The following TEX36 variants were observed in gnomAD, a reference collection of about 807,000 sequenced individuals.
TEX36 encodes the protein testis expressed 36.
Under a neutral mutation model 13.6 loss-of-function variants are expected in TEX36, and 12 were observed. That is an observed-to-expected ratio of 0.88 (90% CI 0.56 to 1.43). The LOEUF is 1.43. Ranked by LOEUF, TEX36 falls within the 40% of genes most tolerant of loss-of-function variation. The pLI is 0.00. For synonymous variants in TEX36, 93 were observed against 83.0 expected (o/e 1.12, Z -0.65); for missense variants, 224 against 228.3 (o/e 0.98, Z 0.12).
Position 125,661,033 on chromosome 10 carries a change from G to C in TEX36, c.252C>G (p.Cys84Trp). ...AAGAAATACTCACGGAGTCAAGGTA[G>C]CATCCAGAGTTCTCCAAGCTGTGCC... ...DNRHSLENSG[C>W]YLDSGLGRKK... Residue 84 changes from cysteine to tryptophan, a missense_variant, in exon 3 of 4, where the codon TGC (cysteine) becomes TGG (tryptophan). Transcript: ENST00000368821. 5.2e-6 allele frequency: 8 copies of C among 1,551,570 alleles called. No homozygotes were observed. The highest frequency in any genetic ancestry group is 7.0e-6 in the Non-Finnish European group (8 of 1,146,692).
In TEX36 at chr10:125,683,124, C is replaced by T; in HGVS notation, c.-135G>A. On this transcript the variant is annotated 5_prime_UTR_variant, in exon 1 of 4. Coordinates refer to ENST00000368821, the MANE Select transcript of TEX36 (RefSeq NM_001128202.3). ...GCTCCTCCTCCTCCTTGTTCCTGAT[C>T]TTTACTTCTCAGCCTCTTCCAGGAG... 1 of 1,007,172 alleles carries T rather than the reference C, an allele frequency of 9.9e-7. No individual in the cohort carries two copies. Among genetic ancestry groups the T allele is most frequent in the South Asian group, 1.4e-5 (1 of 70,868 alleles). The allele number at this position is 1,007,172 out of a possible 1,614,324, so 62.4% of individuals were successfully genotyped here.
chr10:125,613,320 T>A (rs1010834236), intron 3 of TEX36, among the ~76,000 whole-genome samples: 30 of 148,412 alleles, frequency 2.0e-4, no homozygotes, highest in African/African-American at 6.0e-4. Context: ...AGGGTACATG[T>A]GCACCATGTG....
chr10:125,618,241 C>T (rs536137256), downstream of TEX36, among the ~76,000 whole-genome samples: 764 of 152,082 alleles, frequency 5.0e-3, no homozygotes, highest in Admixed American at 9.0e-3. Context: ...AATTTCCTCC[C>T]GTAGCTCGGA....
chr10:125,634,914 GC>G (rs1429042417), intron 3 of TEX36, among the ~76,000 whole-genome samples: 2 of 152,176 alleles, frequency 1.3e-5, no homozygotes, highest in Non-Finnish European at 2.9e-5. Context: ...GTACAAAGAT[GC>G]CTAACATACA....
chr10:125,577,324 C>T (rs898170228), intron 3 of TEX36, among the ~76,000 whole-genome samples: 1 of 152,132 alleles, frequency 6.6e-6, no homozygotes, highest in African/African-American at 2.4e-5. Flanking sequence ...TGGCGAAACC[C>T]TGTCTCTACT....
chr10:125,657,474 T>G (rs1013980531), intron 3 of TEX36, among the ~76,000 whole-genome samples: 14 of 152,102 alleles, frequency 9.2e-5, no homozygotes, highest in African/African-American at 3.1e-4. Flanking sequence ...AAGAATGACT[T>G]GAGGATACTC....
chr10:125,634,598 G>C (rs777304820), intron 3 of TEX36, among the ~76,000 whole-genome samples: 1 of 152,148 alleles, frequency 6.6e-6, no homozygotes, highest in African/African-American at 2.4e-5. Context: ...TTCTGCCTTG[G>C]TAAAAGGTTA....
At chr10:125,667,860 G>GGATGCCCTTGCCCAGTGCCAC in intron 1 of TEX36, 1 of 1,515,666 alleles carries the variant, frequency 6.6e-7, no homozygotes, top group Non-Finnish European at 9.1e-7. Context: ...TCTGCAGCCA[G>GGATGCCCTTGCCCAGTGCCAC]GATGCCCTTG....
At chr10:125,650,157 T>C (rs567314304) in intron 3 of TEX36, among the ~76,000 whole-genome samples, 38 of 152,312 alleles carry the variant, frequency 2.5e-4, no homozygotes, top group South Asian at 1.0e-3. Flanking sequence ...CTAATAGACA[T>C]CTACAGAACT....
chr10:125,632,401 CCTT>C (rs926391722), intron 3 of TEX36, among the ~76,000 whole-genome samples: 1 of 152,176 alleles, frequency 6.6e-6, no homozygotes, highest in African/African-American at 2.4e-5. Flanking sequence ...AAGAGACTCT[CCTT>C]CTTTGTCCCG....
chr10:125,622,080 G>T (rs1846434727), intron 3 of TEX36, among the ~76,000 whole-genome samples: 2 of 152,016 alleles, frequency 1.3e-5, no homozygotes, highest in African/African-American at 4.8e-5. Flanking sequence ...CAATCAAGTT[G>T]ACACCTAATA....
At chr10:125,665,111 GTTGT>G (rs996958483) in intron 1 of TEX36, among the ~76,000 whole-genome samples, 7 of 151,878 alleles carry the variant, frequency 4.6e-5, no homozygotes, top group Non-Finnish European at 7.4e-5. Context: ...TTACAGTTGA[GTTGT>G]TTGAGTTCCC....
At chr10:125,667,631 C>T in intron 1 of TEX36, 1 of 721,096 alleles carries the variant, frequency 1.4e-6, no homozygotes, top group South Asian at 1.5e-5. Flanking sequence ...GTCTACCTTG[C>T]TGCCCCCAAC....
At chr10:125,649,528 C>T (rs575434921) in intron 3 of TEX36, among the ~76,000 whole-genome samples, 23 of 152,314 alleles carry the variant, frequency 1.5e-4, no homozygotes, top group Admixed American at 2.6e-4. Context: ...GAACAACTGG[C>T]ACCAGCCACT....
rs1452273280 is a variant in TEX36, at chr10:125,656,131, C to T, written c.330G>A (p.Trp110Ter). The change falls in exon 4 of 4, where the codon TGG becomes TGA. Residue 110 changes from tryptophan to a stop codon, truncating the protein, a stop_gained. Coordinates refer to ENST00000368821, the MANE Select transcript of TEX36 (RefSeq NM_001128202.3). LOFTEE classifies it low-confidence loss of function (END_TRUNC). ...RQHVSRNFNLWACDYVPSCLD... is the reference protein window; with the variant it reads ...RQHVSRNFNL The stretch of plus-strand genomic sequence containing the variant: ...GACAAGATGGAACATAGTCACATGC[C>T]CAGAGATTAAAATTTCTTGAAACAT... The T allele has an allele frequency of 6.5e-7, 1 of 1,547,830 alleles. No individual in the cohort carries two copies.
At chr10:125,657,749 G>A (rs1469170425) in intron 3 of TEX36, among the ~76,000 whole-genome samples, 1 of 152,118 alleles carries the variant, frequency 6.6e-6, no homozygotes, top group African/African-American at 2.4e-5. Flanking sequence ...TCCAGGAATG[G>A]CACCTACAGG....
chr10:125,619,876 AAT>A (rs929660900), downstream of TEX36, among the ~76,000 whole-genome samples: 25 of 150,374 alleles, frequency 1.7e-4, no homozygotes, highest in South Asian at 4.2e-4. Flanking sequence ...TTTATTTATA[AAT>A]ATATATATAT....
chr10:125,654,229 A>T (rs1303010108), downstream of TEX36, among the ~76,000 whole-genome samples: 1 of 152,132 alleles, frequency 6.6e-6, no homozygotes, highest in Non-Finnish European at 1.5e-5. Flanking sequence ...CGGTTTGCCA[A>T]GTAGAAGATT....
At chr10:125,602,675 C>A (rs1846164310) in intron 3 of TEX36, among the ~76,000 whole-genome samples, 1 of 152,222 alleles carries the variant, frequency 6.6e-6, no homozygotes, top group Non-Finnish European at 1.5e-5. Context: ...AAAGATGGGA[C>A]AGAGAAGAAA....
Sources: allele counts gnomAD v4.1 joint callset (sites outside exome capture counted in the v4.1 genomes callset), GRCh38; gene constraint gnomAD v4.1.1; transcripts MANE v1.5; gene names NCBI Gene and HGNC (gene_info 2026-07-23, HGNC 2026-07-21).